Variants in LUZP2 observed in about 807,000 individuals in gnomAD.
LUZP2 encodes leucine zipper protein 2.
A neutral mutation model predicts 51.6 loss-of-function variants in LUZP2; 52 were observed. The ratio of observed to expected loss-of-function variants is 1.01; its 90% CI spans 0.81 to 1.27. The LOEUF is 1.27. Among genes scored for constraint, LUZP2 ranks in the 50% most tolerant of loss-of-function variants. LUZP2 has a pLI of 0.00. For synonymous variants in LUZP2, 154 were observed against 137.3 expected, an observed-to-expected ratio of 1.12 and a Z score of -0.85; for missense variants, 436 against 395.4, an observed-to-expected ratio of 1.10 and a Z score of -0.87.
intron 1 of LUZP2, among the ~76,000 whole-genome samples, chr11:24,686,220 C>G (rs1856892536): frequency 1.6e-5 from 1 of 64,076 alleles, no homozygotes; most frequent in Non-Finnish European, 3.1e-5. Context: ...AAAGTGAACT[C>G]TGCAAAAAAA....
intron 5 of LUZP2, among the ~76,000 whole-genome samples, chr11:24,881,857 G>T (rs1446861301): frequency 1.3e-5 from 2 of 152,018 alleles, no homozygotes; most frequent in African/African-American, 2.4e-5. Context: ...TTAAAAATAT[G>T]TATACTTGTA....
intron 1 of LUZP2, among the ~76,000 whole-genome samples, chr11:24,593,694 C>T (rs990303587): frequency 1.3e-5 from 2 of 152,136 alleles, no homozygotes; most frequent in Non-Finnish European, 2.9e-5. Context: ...GAACAGTACC[C>T]GCAGTGAGGA....
chr11:24,518,961 C>CT (rs1273256061), intron 1 of LUZP2, among the ~76,000 whole-genome samples: 1 of 152,184 alleles, frequency 6.6e-6, no homozygotes, highest in Non-Finnish European at 1.5e-5. Context: ...AGATCATACT[C>CT]TATTTGTTGG....
chr11:24,728,750 A>C (rs972190084), intron 1 of LUZP2, among the ~76,000 whole-genome samples: 4 of 151,920 alleles, frequency 2.6e-5, no homozygotes, highest in African/African-American at 9.7e-5. Context: ...AAAATTCAAC[A>C]TTTATTTTCT....
At chr11:24,810,461 T>C (rs924076124) in intron 5 of LUZP2, among the ~76,000 whole-genome samples, 44 of 152,166 alleles carry the variant, frequency 2.9e-4, no homozygotes, top group African/African-American at 1.0e-3. Flanking sequence ...CCACATAACC[T>C]GGTTAACAAA....
chr11:25,030,674 G>T (rs2404012), intron 9 of LUZP2, among the ~76,000 whole-genome samples: 87,585 of 150,546 alleles, frequency 0.58, 26,558 homozygotes, highest in African/African-American at 0.76. Context: ...TTACATAAGA[G>T]ATAAAACCAT....
intron 1 of LUZP2, among the ~76,000 whole-genome samples, chr11:24,498,270 A>G (rs1329845126): frequency 6.6e-6 from 1 of 152,240 alleles, no homozygotes; most frequent in African/African-American, 2.4e-5. Flanking sequence ...AGTCTACGTG[A>G]ATAGAAACAT....
intron 1 of LUZP2, among the ~76,000 whole-genome samples, chr11:24,665,974 T>C (rs1012464431): frequency 1.3e-5 from 2 of 152,222 alleles, no homozygotes; most frequent in African/African-American, 4.8e-5. Flanking sequence ...ACATAATTTT[T>C]CAAGTTATTT....
intron 1 of LUZP2, among the ~76,000 whole-genome samples, chr11:24,652,121 TG>T (rs1398733014): frequency 3.9e-5 from 6 of 152,030 alleles, no homozygotes; most frequent in Non-Finnish European, 7.4e-5. Flanking sequence ...TTTGTGTGTG[TG>T]TGTGTGCGTA....
intron 1 of LUZP2, among the ~76,000 whole-genome samples, chr11:24,612,554 G>C (rs1854156774): frequency 6.6e-6 from 1 of 151,922 alleles, no homozygotes; most frequent in Non-Finnish European, 1.5e-5. Context: ...TCTGAAGTAT[G>C]GTTTGGATTT....
chr11:24,814,178 C>T (rs1315466354), intron 5 of LUZP2, among the ~76,000 whole-genome samples: 1 of 152,238 alleles, frequency 6.6e-6, no homozygotes, highest in Non-Finnish European at 1.5e-5. Context: ...ATAACTTCCT[C>T]CTTTGCCCTA....
chr11:24,826,617 A>C (rs1260740669), intron 5 of LUZP2, among the ~76,000 whole-genome samples: 1 of 151,930 alleles, frequency 6.6e-6, no homozygotes. Context: ...ATAATAAAGC[A>C]AGGCAAACCA....
Position 24,783,468 on chromosome 11 carries a change from A to C in LUZP2, c.396+20160A>C, listed in dbSNP as rs541479358. On this transcript the variant is annotated intron_variant, in intron 5 of 11. Transcript: ENST00000336930. ...TTAACCCTATTTTGATTTTTAAGAG[A>C]TAAAAGGTTTTTTTAAATCTCAGTT... is the stretch of plus-strand genomic sequence containing the variant. Among the ~76,000 whole-genome samples, 8 of 152,134 alleles carry C rather than the reference A, an allele frequency of 5.3e-5. No homozygotes were observed. In the South Asian group the frequency reaches 1.7e-3, roughly 32 times the overall value.
intron 1 of LUZP2, among the ~76,000 whole-genome samples, chr11:24,531,034 C>T (rs947025360): frequency 1.2e-4 from 14 of 116,676 alleles, no homozygotes; most frequent in African/African-American, 6.4e-4. Context: ...ATTACTTTAG[C>T]CTCTTTTATT....
At chr11:24,942,997 C>T (rs1443798336) in intron 7 of LUZP2, among the ~76,000 whole-genome samples, 1 of 152,072 alleles carries the variant, frequency 6.6e-6, no homozygotes, top group Admixed American at 6.6e-5. Flanking sequence ...GCTGAGAAGA[C>T]CAACTGATGG....
At chr11:24,506,876 T>C (rs1042385476) in intron 1 of LUZP2, among the ~76,000 whole-genome samples, 9 of 152,108 alleles carry the variant, frequency 5.9e-5, no homozygotes, top group Non-Finnish European at 1.2e-4. Flanking sequence ...GCTGCCTATA[T>C]AGAATCTAGT....
chr11:24,959,230 C>T (rs952589535), intron 7 of LUZP2, among the ~76,000 whole-genome samples: 9 of 152,074 alleles, frequency 5.9e-5, no homozygotes, highest in Non-Finnish European at 7.4e-5. Context: ...ATTGACTTGG[C>T]GATGCGGGCT....
At chr11:24,926,159 A>G (rs1007360655) in intron 7 of LUZP2, among the ~76,000 whole-genome samples, 13 of 151,190 alleles carry the variant, frequency 8.6e-5, no homozygotes, top group Non-Finnish European at 1.6e-4. Context: ...CCATAAATCA[A>G]TAAGTGCATA....
At chr11:24,898,799 A>T (rs1317610209) in intron 5 of LUZP2, among the ~76,000 whole-genome samples, 1 of 151,982 alleles carries the variant, frequency 6.6e-6, no homozygotes, top group East Asian at 1.9e-4. Context: ...AATGCCAAAA[A>T]CCCTTGTGAG....
Sources: allele counts gnomAD v4.1 joint callset (sites outside exome capture counted in the v4.1 genomes callset), GRCh38; gene constraint gnomAD v4.1.1; transcripts MANE v1.5; gene names NCBI Gene and HGNC (gene_info 2026-07-23, HGNC 2026-07-21).